RAB36: variants seen among roughly 807,000 people sequenced by gnomAD.
RAB36 encodes the protein ras-related protein Rab-36.
Under a neutral mutation model 39.3 loss-of-function variants are expected in RAB36, and 33 were observed. That is an observed-to-expected ratio of 0.84 (90% CI 0.64 to 1.12). RAB36 has a LOEUF of 1.12. Among genes scored for constraint, RAB36 ranks in the 50% most tolerant of loss-of-function variants. RAB36 has a pLI of 0.00. For missense variants in RAB36, 308 were observed against 355.3 expected, an observed-to-expected ratio of 0.87 and a Z score of 1.07; for synonymous variants, 133 against 140.2, an observed-to-expected ratio of 0.95 and a Z score of 0.36.
chr22:23,150,255 G>T (rs916801955), intron 3 of RAB36, 101 bp downstream of exon 3: 16 of 953,860 alleles, frequency 1.7e-5, no homozygotes, highest in Non-Finnish European at 2.5e-5. Context: ...CACGAGGCTG[G>T]TGCAGCCCTG....
downstream of RAB36, among the ~76,000 whole-genome samples, chr22:23,167,787 A>G (rs1329485502): frequency 6.6e-6 from 1 of 151,870 alleles, no homozygotes; most frequent in African/African-American, 2.4e-5. Flanking sequence ...GTCTCAAGCA[A>G]TCCTCCTGTC....
chr22:23,158,834 C>A, intron 7 of RAB36, 64 bp from the exon 8 acceptor site: 1 of 1,467,578 alleles, frequency 6.8e-7, no homozygotes, highest in South Asian at 1.2e-5. Flanking sequence ...CCAAGTGTGC[C>A]CTCTGCCCCC....
intron 3 of RAB36, among the ~76,000 whole-genome samples, chr22:23,150,695 A>G (rs374904445): frequency 2.0e-5 from 3 of 152,220 alleles, no homozygotes; most frequent in South Asian, 4.1e-4. Flanking sequence ...TTTCAGCCTC[A>G]GGTCTTGGTA....
In RAB36 at chr22:23,159,271, G is replaced by C; in HGVS notation, c.619+18G>C. ...CAAGACTGGTGAGTGGGCCAGGGCT[G>C]TCACCATGGTGGGGCAGAGCCCTGC... On this transcript the variant is annotated intron_variant, in intron 9 of 10. Transcript: ENST00000263116. 1.3e-6 allele frequency: 2 copies of C among 1,565,636 alleles called. No homozygotes were observed. Among genetic ancestry groups the C allele is most frequent in the Non-Finnish European group, 1.7e-6 (2 of 1,154,648 alleles).
intron 3 of RAB36, 121 bp downstream of exon 3, chr22:23,150,275 G>A: frequency 1.4e-6 from 1 of 718,844 alleles, no homozygotes; most frequent in South Asian, 1.6e-5. Flanking sequence ...GTACAGGCCT[G>A]AAGATGACTG....
At position 23,159,187 on chromosome 22, in the gene RAB36, G is replaced by C. The variant is rs1249557390; in HGVS notation, c.553G>C (p.Glu185Gln). 1 of 1,610,890 alleles carries C rather than the reference G, an allele frequency of 6.2e-7. No homozygotes were observed. The highest frequency in any genetic ancestry group is 1.3e-5 in the African/African-American group (1 of 74,894). ...LLSGAACEQAEADAVHLAREM... is the reference protein window; with the variant it reads ...LLSGAACEQAQADAVHLAREM... ...GTCAGGGGCCGCATGTGAGCAGGCC[G>C]AAGCAGACGCTGTGCACCTGGCCAG... Residue 185 changes from glutamate to glutamine, a missense_variant, in exon 9 of 11, where the codon GAA becomes CAA. By Grantham distance (29) the Glu-to-Gln change is conservative. Transcript: ENST00000263116.
At position 23,156,005 on chromosome 22, in the gene RAB36, G is replaced by C. The variant is rs760314390; in HGVS notation, c.367G>C (p.Ala123Pro). The C allele has an allele frequency of 1.2e-6, 2 of 1,612,640 alleles. No homozygotes were observed. The highest frequency in any genetic ancestry group is 8.5e-7 in the Non-Finnish European group (1 of 1,179,374). ...TGGGCAGGAGAAGTTCAAGTGCATC[G>C]CATCTGCCTACTACCGGGGTGCCCA... ...TAGQEKFKCI[A>P]SAYYRGAQVI... The change falls in exon 6 of 11, where the codon GCA (alanine) becomes CCA (proline). Residue 123 changes from alanine (A) to proline (P), a missense_variant. By Grantham distance (27) the Ala-to-Pro change is conservative (BLOSUM62 -1). Coordinates refer to ENST00000263116, the MANE Select transcript of RAB36 (RefSeq NM_004914.5).
chr22:23,160,969 G>A lies in RAB36; in HGVS notation c.710G>A (p.Arg237Gln), dbSNP rs1235271458. ...LQDLERQSSA[R>Q]LQVGNGDLIQ... ...GACCTGGAGAGGCAGAGCAGTGCCC[G>A]GCTCCAGGTCGGCAATGGAGACCTA... The change falls in exon 10 of 11, where the codon CGG becomes CAG. Residue 237 changes from arginine to glutamine, a missense_variant. Coordinates refer to ENST00000263116, the MANE Select transcript of RAB36 (RefSeq NM_004914.5). The A allele has an allele frequency of 1.2e-6, 2 of 1,612,706 alleles. No homozygotes were observed. The highest frequency in any genetic ancestry group is 1.7e-6 in the Non-Finnish European group (2 of 1,179,174).
chr22:23,146,213 T>G (rs2070760784), intron 1 of RAB36, among the ~76,000 whole-genome samples: 1 of 152,156 alleles, frequency 6.6e-6, no homozygotes, highest in South Asian at 2.1e-4. Flanking sequence ...GATCTGGTTT[T>G]ATTTATAATT....
At chr22:23,161,161 C>T (rs1171472425) in intron 10 of RAB36, among the ~76,000 whole-genome samples, 163 bp downstream of exon 10, 1 of 152,198 alleles carries the variant, frequency 6.6e-6, no homozygotes, top group Admixed American at 6.5e-5. Flanking sequence ...AGGCCTGTAG[C>T]CCCTCTGATT....
At chr22:23,146,026 G>C in intron 1 of RAB36, 7 of 984,976 alleles carry the variant, frequency 7.1e-6, no homozygotes, top group Non-Finnish European at 7.2e-6. Flanking sequence ...TCACAGCCCA[G>C]TAAGGTAAGC....
intron 6 of RAB36, among the ~76,000 whole-genome samples, chr22:23,156,820 C>T (rs1180633682): frequency 6.6e-6 from 1 of 152,220 alleles, no homozygotes; most frequent in African/African-American, 2.4e-5. Flanking sequence ...TCGGGCCTCT[C>T]CTTGAAAGGA....
intron 5 of RAB36, among the ~76,000 whole-genome samples, chr22:23,154,868 G>C (rs1174623386): frequency 2.0e-5 from 3 of 152,222 alleles, no homozygotes; most frequent in Middle Eastern, 3.2e-3. Context: ...GCTCACACCT[G>C]TAATCCCAGC....
At chr22:23,165,752 CAT>C (rs1205585963), downstream of RAB36, among the ~76,000 whole-genome samples, 2 of 152,164 alleles carry the variant, frequency 1.3e-5, no homozygotes, top group African/African-American at 4.8e-5. Flanking sequence ...TGGCCTCCCT[CAT>C]ATGAGTGGCA....
intron 3 of RAB36, 24 bp downstream of exon 3, chr22:23,150,178 G>A (rs758821778): frequency 1.3e-6 from 2 of 1,578,760 alleles, no homozygotes; most frequent in African/African-American, 1.3e-5. Flanking sequence ...GTGTGGGATG[G>A]GGGAGCAGGT....
In RAB36 at chr22:23,158,752, C is replaced by T. The variant is rs907674237; in HGVS notation, c.447-146C>T. ...GCCCTTCCGGCTGGAGGTGCAGCAT[C>T]CTGCTCAGCCAGTGTGGGCCAGGAA... On this transcript the variant is annotated intron_variant, in intron 7 of 10. Transcript: ENST00000263116. 59 of 705,950 alleles carry T rather than the reference C, an allele frequency of 8.4e-5. 1 individual carries two copies. The highest frequency in any genetic ancestry group is 1.3e-4 in the Non-Finnish European group (54 of 403,424). The allele number at this position is 705,950 out of a possible 1,614,324, so 43.7% of individuals were successfully genotyped here.
In RAB36 at chr22:23,161,490, C is replaced by G; in HGVS notation, c.740-10C>G. The G allele has an allele frequency of 6.2e-7, 1 of 1,603,896 alleles. No individual in the cohort carries two copies. The highest frequency in any genetic ancestry group is 8.5e-7 in the Non-Finnish European group (1 of 1,171,172). ...TGGTTGATGCTAAATTACTTCTCCC[C>G]TCCTTACAGAAATGGAAGGGAGTCC... is the stretch of plus-strand genomic sequence containing the variant. On this transcript the variant is annotated splice_polypyrimidine_tract_variant and intron_variant, in intron 10 of 10. Coordinates refer to ENST00000263116, the MANE Select transcript of RAB36 (RefSeq NM_004914.5).
At chr22:23,166,579 C>T (rs1038991996), downstream of RAB36, among the ~76,000 whole-genome samples, 1 of 152,112 alleles carries the variant, frequency 6.6e-6, no homozygotes, top group Non-Finnish European at 1.5e-5. Flanking sequence ...TGATCCCTAT[C>T]CTGGTCTCTT....
Position 23,156,115 on chromosome 22 carries a change from C to A in RAB36, c.394+83C>A. Reference sequence around the variant, plus strand: ...CTCCACAGTGGGAATCCCGAGTTCTCTGCACAGGCACCAGTTTTTTGTCCT... The same window carrying A: ...CTCCACAGTGGGAATCCCGAGTTCTATGCACAGGCACCAGTTTTTTGTCCT... On this transcript the variant is annotated intron_variant, in intron 6 of 10. Transcript: ENST00000263116. 3 of 1,064,376 alleles carry A rather than the reference C, an allele frequency of 2.8e-6. No individual in the cohort carries two copies. The South Asian group carries it at 4.5e-5, about 16-fold the overall frequency. The allele number at this position is 1,064,376 out of a possible 1,614,324, so 65.9% of individuals were successfully genotyped here. A position where few individuals can be genotyped will look rare whatever the true frequency, so the allele number is the denominator to read the frequency against.
Sources: gnomAD v4.1 joint callset for allele counts (sites outside exome capture counted in the v4.1 genomes callset) on GRCh38, gnomAD v4.1.1 for gene constraint, MANE v1.5 for transcripts, NCBI Gene and HGNC (gene_info 2026-07-23, HGNC 2026-07-21) for gene names.